OTOP1: variants seen among roughly 807,000 people sequenced by gnomAD.
The protein encoded by OTOP1 is proton channel OTOP1.
A neutral mutation model predicts 52.9 loss-of-function variants in OTOP1; 59 were observed. The ratio of observed to expected loss-of-function variants is 1.12; its 90% CI spans 0.91 to 1.39. OTOP1 has a LOEUF of 1.39. Among genes scored for constraint, OTOP1 ranks in the 40% most tolerant of loss-of-function variants. The pLI, the probability that OTOP1 is intolerant of heterozygous loss-of-function variation, is 0.00. For missense variants in OTOP1, 761 were observed against 800.9 expected (o/e 0.95, Z 0.60); for synonymous variants, 317 against 337.7 (o/e 0.94, Z 0.67).
At position 4,199,233 on chromosome 4, in the gene OTOP1, T is replaced by TGTGAGAGAGAGA. The variant is rs1212354837; in HGVS notation, c.731-1131_731-1130insTCTCTCTCTCAC. Among the ~76,000 whole-genome samples the TGTGAGAGAGAGA allele has an allele frequency of 9.1e-5, 9 of 98,498 alleles. 1 individual carries two copies. The highest frequency in any genetic ancestry group is 3.1e-4 in the African/African-American group (7 of 22,568). The allele number at this position is 98,498 out of a possible 152,430, so 64.6% of individuals were successfully genotyped here. A position where few individuals can be genotyped will look rare whatever the true frequency, so the allele number is the denominator to read the frequency against. On this transcript the variant is annotated intron_variant, in intron 4 of 5. Coordinates refer to ENST00000296358, the MANE Select transcript of OTOP1 (RefSeq NM_177998.3). Reference sequence around the variant, plus strand: ...ACTCAGGTAAAATTGTGTGTGTGTGTGAGAGAGAGAGAGAGAGAGAGAGAG... The same window carrying TGTGAGAGAGAGA: ...ACTCAGGTAAAATTGTGTGTGTGTGTGTGAGAGAGAGAGAGAGAGAGAGAGAGAGAGAGAGAG...
At position 4,197,539 on chromosome 4, in the gene OTOP1, G is replaced by A. The variant is rs142612164; in HGVS notation, c.1295C>T (p.Ala432Val). ...GTTCTGGATGTACTTCTCCACGATC[G>A]CCAGGATGGAGTAGGGCAGGTTGTA... ...TWYNLPYSIL[A>V]IVEKYIQNLF... is the part of the protein sequence containing the mutation. Residue 432 changes from alanine to valine, a missense_variant, in exon 5 of 6, where the codon GCG (alanine) becomes GTG (valine). Transcript: ENST00000296358. 8.4e-4 allele frequency: 1,357 copies of A among 1,614,076 alleles called. 1 individual carries two copies. Among genetic ancestry groups the A allele is most frequent in the Non-Finnish European group, 1.0e-3 (1,182 of 1,180,022 alleles).
At position 4,197,223 on chromosome 4, in the gene OTOP1, G is replaced by A. The variant is rs200964011; in HGVS notation, c.1611C>T (p.Asn537=). ...PVRLPRFLQG[N]AKRKVLRNIA... is the part of the protein sequence containing the mutation. ...TATTCCTCAGGACTTTTCTCTTGGC[G>A]TTGCCCTGTAAGAAACGGGGAAGGC... The change falls in exon 5 of 6, where the codon AAC becomes AAT. Residue 537 remains asparagine, a synonymous_variant. Coordinates refer to ENST00000296358, the MANE Select transcript of OTOP1 (RefSeq NM_177998.3). 65 of 1,418,534 alleles carry A rather than the reference G, an allele frequency of 4.6e-5. No homozygotes were observed. Among genetic ancestry groups the A allele is most frequent in the African/African-American group, 2.4e-4 (14 of 59,064 alleles). The allele number at this position is 1,418,534 out of a possible 1,614,324, so 87.9% of individuals were successfully genotyped here. A position where few individuals can be genotyped will look rare whatever the true frequency, so the allele number is the denominator to read the frequency against.
At chr4:4,223,977 G>A (rs543523485) in intron 1 of OTOP1, among the ~76,000 whole-genome samples, 1 of 151,608 alleles carries the variant, frequency 6.6e-6, no homozygotes, top group Non-Finnish European at 1.5e-5. Flanking sequence ...AAGAGGGACA[G>A]TGGAGAGAAG....
chr4:4,198,694 C>T (rs978585168), intron 4 of OTOP1, among the ~76,000 whole-genome samples: 2 of 152,034 alleles, frequency 1.3e-5, no homozygotes, highest in South Asian at 2.1e-4. Flanking sequence ...GATATCGGTG[C>T]GGGGAAAGTA....
chr4:4,199,417 T>C (rs1199803777), intron 4 of OTOP1, among the ~76,000 whole-genome samples: 2 of 152,046 alleles, frequency 1.3e-5, no homozygotes, highest in African/African-American at 2.4e-5. Context: ...TTTTGTTTTG[T>C]GTTTTGTTTG....
At chr4:4,200,949 C>T (rs1428548007) in intron 4 of OTOP1, among the ~76,000 whole-genome samples, 1 of 152,126 alleles carries the variant, frequency 6.6e-6, no homozygotes, top group African/African-American at 2.4e-5. Flanking sequence ...AGGAAAAGTT[C>T]AGAGTAACAG....
intron 5 of OTOP1, 62 bp downstream of exon 5, chr4:4,197,104 T>G (rs1716652308): frequency 6.7e-7 from 1 of 1,502,282 alleles, no homozygotes; most frequent in Admixed American, 2.0e-5. Context: ...GTGTACCCCT[T>G]GAACCGAAAA....
chr4:4,220,542 T>C (rs1238202179), intron 1 of OTOP1, among the ~76,000 whole-genome samples: 1 of 152,130 alleles, frequency 6.6e-6, no homozygotes, highest in African/African-American at 2.4e-5. Context: ...AGTTTCCCCA[T>C]CTCTAAGATG....
chr4:4,195,648 G>T lies in OTOP1; in HGVS notation c.1668+1518C>A, dbSNP rs527458570. 5.9e-5 allele frequency among the ~76,000 whole-genome samples: 9 copies of T among 152,314 alleles called. No homozygotes were observed. The South Asian group carries it at 1.7e-3, about 28-fold the overall frequency. On this transcript the variant is annotated intron_variant, in intron 5 of 5. Transcript: ENST00000296358. ...GGTTCAGCTGCCAGGCCAACCCCAA[G>T]AAGCCAACCTCTGGGATTCTCATGA...
intron 2 of OTOP1, among the ~76,000 whole-genome samples, 185 bp downstream of exon 2, chr4:4,212,683 C>T (rs1717051068): frequency 6.6e-6 from 1 of 152,194 alleles, no homozygotes. Context: ...CATGGGGACA[C>T]AGAGTTTTAT....
intron 2 of OTOP1, among the ~76,000 whole-genome samples, chr4:4,208,619 G>A (rs200325715): frequency 9.9e-5 from 15 of 152,130 alleles, no homozygotes; most frequent in East Asian, 3.8e-4. Context: ...GCCAAAAGCC[G>A]GAGGAGGAGG....
intron 1 of OTOP1, among the ~76,000 whole-genome samples, chr4:4,220,935 C>T (rs940092938): frequency 6.6e-6 from 1 of 152,104 alleles, no homozygotes; most frequent in Non-Finnish European, 1.5e-5. Context: ...TGACCGGCAG[C>T]CATCTGACCT....
chr4:4,220,066 CATATATATGTATACATATATAT>C (rs1717261720), intron 1 of OTOP1, among the ~76,000 whole-genome samples: 1 of 123,492 alleles, frequency 8.1e-6, no homozygotes, highest in South Asian at 2.5e-4. Flanking sequence ...CGTGTATATA[CATATATATGTATACATATATAT>C]ATATATATAT....
intron 1 of OTOP1, 44 bp downstream of exon 1, chr4:4,226,418 C>A: frequency 1.4e-6 from 2 of 1,382,304 alleles, no homozygotes; most frequent in Non-Finnish European, 1.9e-6. Flanking sequence ...ATGCAGCCAG[C>A]GGGCGAGGAG....
chr4:4,201,155 G>A (rs1178668103), intron 4 of OTOP1, among the ~76,000 whole-genome samples: 13 of 152,138 alleles, frequency 8.5e-5, no homozygotes, highest in East Asian at 1.9e-4. Flanking sequence ...GAGGCCAGGC[G>A]CAGTGGCTCA....
At chr4:4,198,675 G>A (rs1195481841) in intron 4 of OTOP1, among the ~76,000 whole-genome samples, 1 of 152,186 alleles carries the variant, frequency 6.6e-6, no homozygotes, top group Non-Finnish European at 1.5e-5. Flanking sequence ...CAGGAGACAG[G>A]CGCCGTCCGA....
chr4:4,201,246 G>T (rs1247431892), intron 4 of OTOP1, among the ~76,000 whole-genome samples: 1 of 152,028 alleles, frequency 6.6e-6, no homozygotes, highest in Non-Finnish European at 1.5e-5. Flanking sequence ...GGCCAACATA[G>T]TGAAACCCCG....
At chr4:4,220,267 C>T (rs925233842) in intron 1 of OTOP1, among the ~76,000 whole-genome samples, 18 of 150,908 alleles carry the variant, frequency 1.2e-4, no homozygotes, top group Admixed American at 6.6e-4. Flanking sequence ...AAAAACAGAA[C>T]GGAAAATTTC....
chr4:4,196,089 G>C (rs1716616307), intron 5 of OTOP1, among the ~76,000 whole-genome samples: 1 of 152,166 alleles, frequency 6.6e-6, no homozygotes, highest in African/African-American at 2.4e-5. Context: ...AAAGGCAAGA[G>C]AAACCTAGAT....
Sources: gnomAD v4.1 joint callset for allele counts (sites outside exome capture counted in the v4.1 genomes callset) on GRCh38, gnomAD v4.1.1 for gene constraint, MANE v1.5 for transcripts, NCBI Gene and HGNC (gene_info 2026-07-23, HGNC 2026-07-21) for gene names.